Variants in MTSS2 observed in about 807,000 individuals in gnomAD.
MTSS2 encodes the protein MTSS I-BAR domain containing 2, also known as protein MTSS 2.
A neutral mutation model predicts 67.1 loss-of-function variants in MTSS2; 27 were observed. That is an observed-to-expected ratio of 0.40 (90% confidence interval 0.30 to 0.55). MTSS2 has a LOEUF of 0.55. Among genes scored for constraint, MTSS2 ranks in the 20% least tolerant of loss-of-function variants. The pLI, the probability that MTSS2 is intolerant of heterozygous loss-of-function variation, is 0.43. For missense variants in MTSS2, 1,171 were observed against 1,067.8 expected, an observed-to-expected ratio of 1.10 and a Z score of -1.35; for synonymous variants, 624 against 468.6, an observed-to-expected ratio of 1.33 and a Z score of -4.28.
rs2052574587 is a variant in MTSS2, at chr16:70,663,649, G to A, written c.*28C>T. The A allele has an allele frequency of 1.9e-6, 3 of 1,545,958 alleles. No homozygotes were observed. Among genetic ancestry groups the A allele is most frequent in the East Asian group, 2.4e-5 (1 of 42,472 alleles). ...GACCAGGCCACCTGCTCGCACTGGG[G>A]CCTGAGAGGATGGGGAGGGTGGCGC... On this transcript the variant is annotated 3_prime_UTR_variant, in exon 15 of 15. Coordinates refer to ENST00000338779, the MANE Select transcript of MTSS2 (RefSeq NM_138383.3).
At chr16:70,674,054 T>TA (rs1000114854) in intron 11 of MTSS2, among the ~76,000 whole-genome samples, 3 of 151,988 alleles carry the variant, frequency 2.0e-5, no homozygotes, top group African/African-American at 4.8e-5. Flanking sequence ...TCAGATTGGA[T>TA]AAAAAAAGAA....
At chr16:70,665,706 T>G (rs1597799693) in intron 11 of MTSS2, 166 bp from the exon 12 acceptor site, 1 of 565,948 alleles carries the variant, frequency 1.8e-6, no homozygotes, top group African/African-American at 2.2e-5. Flanking sequence ...GGCCGCTGAG[T>G]GTCTGCAGCA....
chr16:70,663,857 C>G lies in MTSS2; in HGVS notation c.2064G>C (p.Leu688=). The G allele has an allele frequency of 1.3e-6, 2 of 1,542,618 alleles. No homozygotes were observed. The highest frequency in any genetic ancestry group is 8.7e-7 in the Non-Finnish European group (1 of 1,146,572). ...LGELVAGAHA[L]GEGQFPFPTA... ...TGGGGAAGGGGAACTGGCCCTCACC[C>G]AGTGCGTGGGCACCCGCCACCAGCT... The change falls in exon 15 of 15, where the codon CTG becomes CTC. Residue 688 remains leucine (L), a synonymous_variant. Coordinates refer to ENST00000338779, the MANE Select transcript of MTSS2 (RefSeq NM_138383.3).
intron 11 of MTSS2, among the ~76,000 whole-genome samples, chr16:70,668,380 C>G (rs1054341666): frequency 6.6e-6 from 1 of 150,608 alleles, no homozygotes; most frequent in Non-Finnish European, 1.5e-5. Flanking sequence ...TGCACTCCAG[C>G]CTGGGGGACA....
At chr16:70,679,438 T>C in intron 6 of MTSS2, 115 bp from the exon 7 acceptor site, 1 of 1,361,244 alleles carries the variant, frequency 7.3e-7, no homozygotes, top group South Asian at 1.2e-5. Context: ...TCCTGCTGCC[T>C]CCCATAGGGA....
intron 1 of MTSS2, among the ~76,000 whole-genome samples, chr16:70,683,849 G>T (rs904993578): frequency 3.3e-5 from 5 of 152,220 alleles, no homozygotes; most frequent in Admixed American, 1.3e-4. Flanking sequence ...AATCCAGGTG[G>T]TCAGCTTCCA....
rs749082473 is a variant in MTSS2 at position 70,678,306 on chromosome 16, C to T, written c.570G>A (p.Leu190=). Residue 190 remains leucine, a synonymous_variant, in exon 8 of 15, where the codon CTG becomes CTA. Coordinates refer to ENST00000338779, the MANE Select transcript of MTSS2 (RefSeq NM_138383.3). ...TGCAGAAGCGGCCCCGCTCCTCGAT[C>T]AGCGCCCGGCGCACGGCCTGCTTCT... is the stretch of plus-strand genomic sequence containing the variant. ...ETEKQAVRRA[L]IEERGRFCTF... The T allele has an allele frequency of 6.2e-7, 1 of 1,612,578 alleles. No individual in the cohort carries two copies. The highest frequency in any genetic ancestry group is 1.1e-5 in the South Asian group (1 of 91,080).
intron 11 of MTSS2, among the ~76,000 whole-genome samples, chr16:70,671,433 A>G (rs1219641631): frequency 6.6e-6 from 1 of 152,058 alleles, no homozygotes; most frequent in Non-Finnish European, 1.5e-5. Flanking sequence ...GAAAGACTCA[A>G]TGGTGATGGG....
rs902822738 is a variant in MTSS2, at chr16:70,661,440, A to T, written c.*2237T>A. ...GCTGCCTGGGGTGGGGGAATAAATT[A>T]AAAAAAGGAACGAGTTAACAACAGC... On this transcript the variant is annotated 3_prime_UTR_variant, in exon 15 of 15. Transcript: ENST00000338779. 5 of 373,700 alleles carry T rather than the reference A, an allele frequency of 1.3e-5. No homozygotes were observed. The highest frequency in any genetic ancestry group is 4.3e-5 in the African/African-American group (2 of 47,004). The allele number at this position is 373,700 out of a possible 1,614,324, so 23.1% of individuals were successfully genotyped here. A position where few individuals can be genotyped will look rare whatever the true frequency, so the allele number is the denominator to read the frequency against.
chr16:70,676,756 G>T, intron 10 of MTSS2, 125 bp downstream of exon 10: 2 of 756,036 alleles, frequency 2.6e-6, no homozygotes, highest in South Asian at 1.7e-5. Context: ...CAAATTCCTC[G>T]GATGGTGTAA....
rs541609044 is a variant in MTSS2, at chr16:70,664,096, G to C, written c.1825C>G (p.Arg609Gly). 6.2e-7 allele frequency: 1 copy of C among 1,611,888 alleles called. No homozygotes were observed. Among genetic ancestry groups the C allele is most frequent in the South Asian group, 1.1e-5 (1 of 90,932 alleles). ...PDSPGYMGPT[R>G]AGSEECVFYT... ...AAGACGCACTCCTCACTGCCCGCCCGTGTGGGCCCCATGTAGCCGGGGGAG... is the reference window on the plus strand; with the variant it reads ...AAGACGCACTCCTCACTGCCCGCCCCTGTGGGCCCCATGTAGCCGGGGGAG... The change falls in exon 15 of 15, where the codon CGG (arginine) becomes GGG (glycine). Residue 609 changes from arginine (R) to glycine (G), a missense_variant. By Grantham distance (125) the Arg-to-Gly change is moderately radical. Around this residue, in one of 2 missense-constraint regions of MTSS2, gnomAD observed 924 missense variants for 756.0 expected, o/e 1.22. Coordinates refer to ENST00000338779, the MANE Select transcript of MTSS2 (RefSeq NM_138383.3).
chr16:70,677,049 C>CA (rs1051534800), intron 9 of MTSS2, 71 bp from the exon 10 acceptor site: 10 of 1,186,088 alleles, frequency 8.4e-6, no homozygotes, highest in African/African-American at 7.7e-5. Context: ...GGCCCCCCCC[C>CA]ACTCTCTAAT....
intron 7 of MTSS2, among the ~76,000 whole-genome samples, chr16:70,678,701 CG>C (rs2053200477): frequency 6.6e-6 from 1 of 152,238 alleles, no homozygotes; most frequent in East Asian, 1.9e-4. Context: ...TCTGCCAACA[CG>C]GAGACTCGCT....
rs1194705390 is a variant in MTSS2 at position 70,662,222 on chromosome 16, T to G, written c.*1455A>C. ...AATCAATCAATCATCAAGACCAAGG[T>G]GCTCCTGACCCCCAGGTAGGACCCT... On this transcript the variant is annotated 3_prime_UTR_variant, in exon 15 of 15. Coordinates refer to ENST00000338779, the MANE Select transcript of MTSS2 (RefSeq NM_138383.3). 2 of 152,132 alleles carry G rather than the reference T, an allele frequency of 1.3e-5. No individual in the cohort carries two copies. The highest frequency in any genetic ancestry group is 2.4e-5 in the African/African-American group (1 of 41,402). 9.4% of individuals were successfully genotyped at this position (152,132 alleles called of 1,614,324 possible). A position where few individuals can be genotyped will look rare whatever the true frequency, so the allele number is the denominator to read the frequency against.
rs2052544933 is a variant in MTSS2 at position 70,663,009 on chromosome 16, C to T, written c.*668G>A. ...GGGGGAGGCGAGGGGTGGGAGCCACCACAGGGCCCCCAAGACCCCCCCCCC... is the reference window on the plus strand; with the variant it reads ...GGGGGAGGCGAGGGGTGGGAGCCACTACAGGGCCCCCAAGACCCCCCCCCC... On this transcript the variant is annotated 3_prime_UTR_variant, in exon 15 of 15. Coordinates refer to ENST00000338779, the MANE Select transcript of MTSS2 (RefSeq NM_138383.3). 6.6e-6 allele frequency: 1 copy of T among 150,584 alleles called. No individual in the cohort carries two copies. Among genetic ancestry groups the T allele is most frequent in the Admixed American group, 6.7e-5 (1 of 14,984 alleles). The allele number at this position is 150,584 out of a possible 1,614,324, so 9.3% of individuals were successfully genotyped here.
intron 11 of MTSS2, among the ~76,000 whole-genome samples, chr16:70,668,573 C>T (rs1362784611): frequency 6.6e-6 from 1 of 152,164 alleles, no homozygotes; most frequent in Non-Finnish European, 1.5e-5. Flanking sequence ...CTGCTGTGCA[C>T]TGAGGAAAAG....
At chr16:70,664,541 C>T in intron 14 of MTSS2, 57 bp downstream of exon 14, 2 of 1,591,472 alleles carry the variant, frequency 1.3e-6, no homozygotes, top group Admixed American at 1.7e-5. Context: ...GGACGGGGCC[C>T]TCCTGGATGG....
At chr16:70,678,478 C>T (rs145496459) in intron 7 of MTSS2, 69 bp from the exon 8 acceptor site, 26,761 of 1,539,466 alleles carry the variant, frequency 0.017, 290 homozygotes, top group Non-Finnish European at 0.02. Context: ...CAAATGGGCT[C>T]AGACCCTGGT....
chr16:70,668,717 A>G (rs2052813047), intron 11 of MTSS2, among the ~76,000 whole-genome samples: 1 of 152,218 alleles, frequency 6.6e-6, no homozygotes, highest in African/African-American at 2.4e-5. Flanking sequence ...GATCTTATAA[A>G]AAGAGGTTTA....
Sources: allele counts gnomAD v4.1 joint callset (sites outside exome capture counted in the v4.1 genomes callset), GRCh38; gene constraint gnomAD v4.1.1; regional missense constraint gnomAD v4.1.1; transcripts MANE v1.5; gene names NCBI Gene and HGNC (gene_info 2026-07-23, HGNC 2026-07-21).